HSPB8: variants seen among roughly 807,000 people sequenced by gnomAD.
HSPB8 encodes heat shock protein beta-8.
In HSPB8, 9 loss-of-function variants were observed where a neutral mutation model predicts 16.5. That is an observed-to-expected ratio of 0.55 (90% CI 0.33 to 0.95). The LOEUF is 0.95. HSPB8 is among the 40% of genes least tolerant of loss of function. HSPB8 has a pLI of 0.03. For missense variants in HSPB8, 238 were observed against 251.2 expected (o/e 0.95, Z 0.35); for synonymous variants, 99 against 94.8 (o/e 1.04, Z -0.26).
intron 2 of HSPB8, among the ~76,000 whole-genome samples, chr12:119,193,093 T>C (rs1005576603): frequency 1.3e-5 from 2 of 152,138 alleles, no homozygotes; most frequent in Non-Finnish European, 2.9e-5. Context: ...ATGAACAAAA[T>C]CAAGGCTTAT....
intron 2 of HSPB8, among the ~76,000 whole-genome samples, chr12:119,192,500 C>G (rs1954717981): frequency 6.6e-6 from 1 of 151,986 alleles, no homozygotes; most frequent in South Asian, 2.1e-4. Flanking sequence ...ACTAAAAATA[C>G]AAAAATTAGC....
intron 2 of HSPB8, among the ~76,000 whole-genome samples, 161 bp downstream of exon 2, chr12:119,187,249 G>A (rs1954682724): frequency 6.6e-6 from 1 of 152,140 alleles, no homozygotes; most frequent in African/African-American, 2.4e-5. Context: ...AAATATCCCA[G>A]CAGACCTGTA....
At chr12:119,180,930 T>A (rs896434677) in intron 1 of HSPB8, among the ~76,000 whole-genome samples, 6 of 152,160 alleles carry the variant, frequency 3.9e-5, no homozygotes, top group African/African-American at 1.4e-4. Context: ...TGGGGCCACG[T>A]GCTGATGACA....
intron 2 of HSPB8, among the ~76,000 whole-genome samples, chr12:119,193,291 G>A (rs891790043): frequency 4.6e-5 from 7 of 152,162 alleles, no homozygotes; most frequent in Non-Finnish European, 1.0e-4. Context: ...GCTCTATAAA[G>A]GGATGGTAGT....
At chr12:119,180,318 A>C (rs577649476) in intron 1 of HSPB8, among the ~76,000 whole-genome samples, 30 of 152,266 alleles carry the variant, frequency 2.0e-4, no homozygotes, top group African/African-American at 7.0e-4. Flanking sequence ...AGGCACGGAG[A>C]GATTAAAGTA....
rs527836834 is a variant in HSPB8 at position 119,181,547 on chromosome 12, G to C, written c.367+1868G>C. Among the ~76,000 whole-genome samples, 24 of 152,296 alleles carry C rather than the reference G, an allele frequency of 1.6e-4. 1 individual carries two copies. Among genetic ancestry groups the C allele is most frequent in the Non-Finnish European group, 1.3e-4 (9 of 68,022 alleles). Reference sequence around the variant, plus strand: ...GTTCCCAGCTTGACTTTTCCCTTTAGCTTAGTGATTTGGGGGCCCCAAGAT... The same window carrying C: ...GTTCCCAGCTTGACTTTTCCCTTTACCTTAGTGATTTGGGGGCCCCAAGAT... On this transcript the variant is annotated intron_variant, in intron 1 of 2. Coordinates refer to ENST00000281938, the MANE Select transcript of HSPB8 (RefSeq NM_014365.3).
At chr12:119,180,987 C>T (rs1405299976) in intron 1 of HSPB8, among the ~76,000 whole-genome samples, 2 of 152,170 alleles carry the variant, frequency 1.3e-5, no homozygotes, top group East Asian at 1.9e-4. Flanking sequence ...GCATGAGTTC[C>T]GAAACTGGCT....
intron 2 of HSPB8, among the ~76,000 whole-genome samples, chr12:119,187,653 C>T (rs867194000): frequency 6.6e-6 from 1 of 152,132 alleles, no homozygotes; most frequent in African/African-American, 2.4e-5. Context: ...CCACTGCACC[C>T]GGGGAACAAC....
intron 2 of HSPB8, among the ~76,000 whole-genome samples, chr12:119,188,357 C>T (rs185295215): frequency 7.2e-5 from 11 of 151,906 alleles, no homozygotes; most frequent in Admixed American, 5.2e-4. Flanking sequence ...AGCAATTCTC[C>T]GGCCTCAATC....
At chr12:119,181,890 T>C (rs1251894217) in intron 1 of HSPB8, among the ~76,000 whole-genome samples, 2 of 152,192 alleles carry the variant, frequency 1.3e-5, no homozygotes, top group Non-Finnish European at 2.9e-5. Context: ...GTCTATAAAA[T>C]GGAGCTAATA....
intron 1 of HSPB8, chr12:119,186,676 A>C: frequency 3.0e-6 from 1 of 332,650 alleles, no homozygotes. Flanking sequence ...GTTAGAGAAG[A>C]GGAGTCAGGT....
At chr12:119,188,674 A>T (rs926738744) in intron 2 of HSPB8, among the ~76,000 whole-genome samples, 6 of 152,140 alleles carry the variant, frequency 3.9e-5, no homozygotes, top group Admixed American at 1.3e-4. Flanking sequence ...GACATACCCA[A>T]GGTCTTTACA....
chr12:119,186,773 A>C, intron 1 of HSPB8: 1 of 507,772 alleles, frequency 2.0e-6, no homozygotes, highest in Non-Finnish European at 3.6e-6. Context: ...ACCCTTAATT[A>C]ACTACAAACC....
chr12:119,184,449 G>T (rs971525576), intron 1 of HSPB8, among the ~76,000 whole-genome samples: 1 of 152,198 alleles, frequency 6.6e-6, no homozygotes, highest in African/African-American at 2.4e-5. Flanking sequence ...GCACTGGCCT[G>T]TCCCCAGGGG....
At chr12:119,182,456 T>A (rs1277727403) in intron 1 of HSPB8, among the ~76,000 whole-genome samples, 2 of 152,014 alleles carry the variant, frequency 1.3e-5, no homozygotes, top group Non-Finnish European at 2.9e-5. Flanking sequence ...CTGGTCAACA[T>A]GGCGAAACCC....
intron 1 of HSPB8, among the ~76,000 whole-genome samples, chr12:119,180,573 T>G (rs765780789): frequency 3.3e-5 from 5 of 151,554 alleles, no homozygotes; most frequent in Non-Finnish European, 7.4e-5. Context: ...AGGAGTGGAG[T>G]AGGGACTGGG....
At chr12:119,180,348 G>T (rs533583220) in intron 1 of HSPB8, among the ~76,000 whole-genome samples, 3 of 152,320 alleles carry the variant, frequency 2.0e-5, no homozygotes, top group South Asian at 4.1e-4. Context: ...AGGCCACCAA[G>T]GAGTCAGACC....
chr12:119,181,559 G>A (rs979468853), intron 1 of HSPB8, among the ~76,000 whole-genome samples: 1 of 152,116 alleles, frequency 6.6e-6, no homozygotes, highest in Non-Finnish European at 1.5e-5. Flanking sequence ...TTAGTGATTT[G>A]GGGGCCCCAA....
At chr12:119,187,272 A>G (rs1954682827) in intron 2 of HSPB8, among the ~76,000 whole-genome samples, 184 bp downstream of exon 2, 1 of 152,132 alleles carries the variant, frequency 6.6e-6, no homozygotes, top group Admixed American at 6.5e-5. Context: ...AGGGTCCCAG[A>G]AGGGGGAGCA....
Sources: allele counts gnomAD v4.1 joint callset (sites outside exome capture counted in the v4.1 genomes callset), GRCh38; gene constraint gnomAD v4.1.1; transcripts MANE v1.5; gene names NCBI Gene and HGNC (gene_info 2026-07-23, HGNC 2026-07-21).